Variants in PIEZO2 observed in about 807,000 individuals in gnomAD.
PIEZO2 encodes the protein piezo type mechanosensitive ion channel component 2, also known as piezo-type mechanosensitive ion channel component 2.
Under a neutral mutation model 337.3 loss-of-function variants are expected in PIEZO2, and 172 were observed. The observed-to-expected ratio is 0.51, with a 90% CI of 0.45 to 0.58. The LOEUF is 0.58. Ranked by LOEUF, PIEZO2 falls within the 20% of genes least tolerant of loss-of-function variation. PIEZO2 has a pLI of 0.00. For synonymous variants in PIEZO2, 1,251 were observed against 1,228.5 expected (o/e 1.02, Z -0.38); for missense variants, 3,028 against 3,391.3 (o/e 0.89, Z 2.66).
At chr18:10,745,416 C>T (rs910381929) in intron 30 of PIEZO2, among the ~76,000 whole-genome samples, 14 of 152,172 alleles carry the variant, frequency 9.2e-5, no homozygotes, top group Admixed American at 8.5e-4. Flanking sequence ...GTACTTACAT[C>T]ACTCCCCCTT....
intron 1 of PIEZO2, among the ~76,000 whole-genome samples, chr18:11,084,350 G>C (rs1334896225): frequency 6.6e-6 from 1 of 152,190 alleles, no homozygotes; most frequent in East Asian, 1.9e-4. Context: ...TGCTAGCACT[G>C]TTAGGCTACA....
chr18:10,849,305 C>G (rs2041464141), intron 7 of PIEZO2, among the ~76,000 whole-genome samples: 1 of 152,264 alleles, frequency 6.6e-6, no homozygotes, highest in South Asian at 2.1e-4. Context: ...GGCCACTGCG[C>G]TTGGCCCCTC....
intron 5 of PIEZO2, among the ~76,000 whole-genome samples, chr18:10,869,503 A>AATAACTTTTTG (rs1423968353): frequency 1.3e-5 from 2 of 152,236 alleles, no homozygotes; most frequent in African/African-American, 4.8e-5. Flanking sequence ...GCTTTTATAA[A>AATAACTTTTTG]TCATAAAAAT....
rs550937189 is a variant in PIEZO2, at chr18:11,070,127, G to A, written c.65-3905C>T. Among the ~76,000 whole-genome samples, 2 of 152,328 alleles carry A rather than the reference G, an allele frequency of 1.3e-5. No homozygotes were observed. The highest frequency in any genetic ancestry group is 4.8e-5 in the African/African-American group (2 of 41,584). On this transcript the variant is annotated intron_variant, in intron 1 of 55. Coordinates refer to ENST00000674853, the MANE Select transcript of PIEZO2 (RefSeq NM_001378183.1). The surrounding 1 kb of genome is among the most constrained non-coding windows in gnomAD (Gnocchi z 4.3). ...GTGCTTACATAAACAAAGATGGTATGCCCTACTGCACACCTAGACATATGG... is the reference window on the plus strand; with the variant it reads ...GTGCTTACATAAACAAAGATGGTATACCCTACTGCACACCTAGACATATGG...
At chr18:10,689,569 T>C in intron 49 of PIEZO2, 86 bp downstream of exon 49, 2 of 1,581,926 alleles carry the variant, frequency 1.3e-6, no homozygotes, top group Non-Finnish European at 1.7e-6. Context: ...ATGCCTTCAT[T>C]GTGAGCAGAA....
At chr18:11,138,117 G>A (rs2040541747) in intron 1 of PIEZO2, among the ~76,000 whole-genome samples, 1 of 152,176 alleles carries the variant, frequency 6.6e-6, no homozygotes, top group Non-Finnish European at 1.5e-5. Flanking sequence ...AGACTTCTGA[G>A]ATGTTCAAAA....
chr18:10,789,668 T>C (rs918396990), intron 14 of PIEZO2, among the ~76,000 whole-genome samples: 2 of 152,200 alleles, frequency 1.3e-5, no homozygotes, highest in Admixed American at 6.5e-5. Flanking sequence ...AAAAAATAAA[T>C]AGGCAACAAT....
In PIEZO2 at chr18:10,798,305, T is replaced by C. The variant is rs560975999; in HGVS notation, c.1379-783A>G. 9.9e-5 allele frequency among the ~76,000 whole-genome samples: 15 copies of C among 152,190 alleles called. No individual in the cohort carries two copies. In the East Asian group the frequency reaches 2.5e-3, roughly 25 times the overall value. ...TTTCTTGTTCAAATCAAATGGGCTA[T>C]GTATAGGTGGGTTACAGGAGAAAGT... On this transcript the variant is annotated intron_variant, in intron 11 of 55. Transcript: ENST00000674853.
Position 11,009,869 on chromosome 18 carries a change from G to C in PIEZO2, c.161-30209C>G, listed in dbSNP as rs1385850641. ...AAGGGAGACCGCATGGAGACACAAA[G>C]AGAAGACAGCCATCTGCGAGCCAAA... On this transcript the variant is annotated intron_variant, in intron 2 of 55. Transcript: ENST00000674853. This position sits in a 1 kb window ranked among gnomAD's most constrained non-coding sequence, Gnocchi z 4.6. Among the ~76,000 whole-genome samples, 2 of 152,092 alleles carry C rather than the reference G, an allele frequency of 1.3e-5. No homozygotes were observed. Among genetic ancestry groups the C allele is most frequent in the Non-Finnish European group, 2.9e-5 (2 of 68,024 alleles).
intron 3 of PIEZO2, among the ~76,000 whole-genome samples, chr18:10,916,256 G>A (rs754584188): frequency 6.6e-6 from 1 of 152,148 alleles, no homozygotes; most frequent in Non-Finnish European, 1.5e-5. Context: ...TGCCAGGGCC[G>A]CAGGCAGCCA....
intron 2 of PIEZO2, among the ~76,000 whole-genome samples, chr18:10,997,314 A>C (rs2035362524): frequency 6.6e-6 from 1 of 152,106 alleles, no homozygotes; most frequent in Non-Finnish European, 1.5e-5. Context: ...TTTTAATATG[A>C]CCCAGAGTCA....
chr18:10,927,415 G>A (rs1234342026), intron 3 of PIEZO2, among the ~76,000 whole-genome samples: 2 of 152,100 alleles, frequency 1.3e-5, no homozygotes, highest in Non-Finnish European at 2.9e-5. Flanking sequence ...GCCGTGGGTG[G>A]GGGACGCCTT....
At position 10,672,033 on chromosome 18, in the gene PIEZO2, T is replaced by G. The variant is rs570766781; in HGVS notation, c.8346-254A>C. ...AAGTCCTTTACAATCTCACATTCTG[T>G]AAATAATCAATGCTAACCGTTTCAT... On this transcript the variant is annotated intron_variant, in intron 55 of 55. Transcript: ENST00000674853. The surrounding 1 kb of genome is among the most constrained non-coding windows in gnomAD (Gnocchi z 4.7). Among the ~76,000 whole-genome samples the G allele has an allele frequency of 7.7e-4, 118 of 152,340 alleles. No individual in the cohort carries two copies. Among genetic ancestry groups the G allele is most frequent in the African/African-American group, 2.7e-3 (112 of 41,582 alleles).
rs2043096179 is a variant in PIEZO2 at position 10,903,347 on chromosome 18, C to G, written c.329+7839G>C. Among the ~76,000 whole-genome samples the G allele has an allele frequency of 2.0e-5, 3 of 152,118 alleles. 1 individual carries two copies. The South Asian group carries it at 6.2e-4, about 32-fold the overall frequency. ...AAGCTTACCTTCTCTGGGGTTTACA[C>G]CCTTCAATGGCTCCCCATTACTACT... On this transcript the variant is annotated intron_variant, in intron 4 of 55. Transcript: ENST00000674853. The surrounding 1 kb of genome is among the most constrained non-coding windows in gnomAD (Gnocchi z 4.1).
chr18:10,744,320 C>T, intron 30 of PIEZO2, 89 bp from the exon 31 acceptor site: 3 of 832,576 alleles, frequency 3.6e-6, no homozygotes, highest in Non-Finnish European at 5.8e-6. Context: ...GGTTAGAAAA[C>T]ATAACATCTC....
intron 1 of PIEZO2, among the ~76,000 whole-genome samples, chr18:11,108,760 G>T (rs376971630): frequency 1.6e-4 from 25 of 152,144 alleles, no homozygotes; most frequent in East Asian, 1.4e-3. Context: ...AAATTGAGGT[G>T]CGAGGGGAAA....
chr18:10,737,886 G>A (rs2037071202), intron 33 of PIEZO2: 1 of 152,158 alleles, frequency 6.6e-6, no homozygotes, highest in African/African-American at 2.4e-5. Context: ...TACATTGTAA[G>A]GTAATGGAAA....
Position 11,148,504 on chromosome 18 carries a change from C to T in PIEZO2, c.64+21G>A. 6.5e-7 allele frequency: 1 copy of T among 1,537,040 alleles called. No individual in the cohort carries two copies. Among genetic ancestry groups the T allele is most frequent in the Non-Finnish European group, 8.7e-7 (1 of 1,146,768 alleles). On this transcript the variant is annotated intron_variant, in intron 1 of 55. Transcript: ENST00000674853. The surrounding 1 kb of genome is among the most constrained non-coding windows in gnomAD (Gnocchi z 5.2). ...CCCCCTCGTCCTCCTCAAGTGCCCT[C>T]GGAAAGCGGACCAGACTCACCTACT...
At chr18:10,691,782 C>CACACATATATATATATATATATAT in intron 47 of PIEZO2, among the ~76,000 whole-genome samples, 1 of 96,644 alleles carries the variant, frequency 1.0e-5, no homozygotes, top group African/African-American at 4.7e-5. Context: ...CACACACACA[C>CACACATATATATATATATATATAT]ATATATATAT....
Sources: allele counts gnomAD v4.1 joint callset (sites outside exome capture counted in the v4.1 genomes callset), GRCh38; gene constraint gnomAD v4.1.1; non-coding constraint Gnocchi (gnomAD v3.1); transcripts MANE v1.5; gene names NCBI Gene and HGNC (gene_info 2026-07-23, HGNC 2026-07-21).